The following TMEM217 variants were observed in gnomAD, a reference collection of about 807,000 sequenced individuals.
TMEM217 encodes chromosome 6 open reading frame 128.
For synonymous variants in TMEM217, 76 were observed against 88.3 expected, an observed-to-expected ratio of 0.86 and a Z score of 0.78; for missense variants, 204 against 248.8, an observed-to-expected ratio of 0.82 and a Z score of 1.21.
downstream of TMEM217, among the ~76,000 whole-genome samples, chr6:37,213,295 T>C (rs1001321782): frequency 6.6e-6 from 1 of 152,224 alleles, no homozygotes; most frequent in African/African-American, 2.4e-5. Flanking sequence ...CCTGTTGATG[T>C]AGGTTTGTGG....
rs370609002 is a variant in TMEM217, at chr6:37,218,755, C to G, written c.276G>C (p.Arg92Ser). The change falls in exon 2 of 2, where the codon AGG (arginine) becomes AGC (serine). Residue 92 changes from arginine to serine, a missense_variant. Coordinates refer to ENST00000357219, the Ensembl canonical transcript of TMEM217. ...TCCAGACAATGTAGATGACCAGGCCCCTGAAGATCTGGGCATACACTGAGT... is the reference window on the plus strand; with the variant it reads ...TCCAGACAATGTAGATGACCAGGCCGCTGAAGATCTGGGCATACACTGAGT... 1.9e-6 allele frequency: 3 copies of G among 1,613,982 alleles called. No homozygotes were observed. In the Admixed American group the frequency reaches 5.0e-5, roughly 27 times the overall value.
chr6:37,215,128 A>G (rs1763112010), downstream of TMEM217: 6 of 1,593,562 alleles, frequency 3.8e-6, no homozygotes, highest in Non-Finnish European at 5.1e-6. Context: ...GGTCACTATA[A>G]TAATGGCCTA....
At chr6:37,231,651 G>A (rs1349657325) in intron 1 of TMEM217, among the ~76,000 whole-genome samples, 6 of 138,100 alleles carry the variant, frequency 4.3e-5, no homozygotes, top group Non-Finnish European at 9.2e-5. Context: ...CAGCCTGGGC[G>A]ATAGAGTGAG....
exon 1 of TMEM217, chr6:37,257,951 A>T: frequency 6.2e-7 from 1 of 1,614,126 alleles, no homozygotes; most frequent in Non-Finnish European, 8.5e-7. Flanking sequence ...GTTTTGGAAG[A>T]GGAGCGCTAA....
chr6:37,242,063 A>G (rs1764795413), intron 1 of TMEM217, among the ~76,000 whole-genome samples: 1 of 146,116 alleles, frequency 6.8e-6, no homozygotes, highest in African/African-American at 2.5e-5. Context: ...GGAGTCACAT[A>G]GAACCCCCTG....
intron 1 of TMEM217, among the ~76,000 whole-genome samples, chr6:37,254,809 ACCTTTTTGGCAC>A (rs1765625889): frequency 1.3e-5 from 2 of 152,120 alleles, no homozygotes; most frequent in Non-Finnish European, 1.5e-5. Flanking sequence ...GTAGTCCCCA[ACCTTTTTGGCAC>A]CTGGGACCAG....
At chr6:37,235,011 C>T (rs555611129) in intron 1 of TMEM217, among the ~76,000 whole-genome samples, 106 of 152,174 alleles carry the variant, frequency 7.0e-4, no homozygotes, top group African/African-American at 2.2e-3. Context: ...CACTGGCTAC[C>T]CTTATGCTGG....
chr6:37,252,596 T>C (rs1765469123), intron 1 of TMEM217, among the ~76,000 whole-genome samples: 1 of 20,770 alleles, frequency 4.8e-5, no homozygotes, highest in African/African-American at 5.0e-4. Flanking sequence ...TGTATGTGTG[T>C]GTGTGTGTGT....
At chr6:37,225,490 A>C (rs923634819) in intron 1 of TMEM217, among the ~76,000 whole-genome samples, 2 of 152,318 alleles carry the variant, frequency 1.3e-5, no homozygotes, top group South Asian at 4.1e-4. Context: ...GAGTTCCCTA[A>C]GGAAAAAAAT....
chr6:37,235,388 CAG>C (rs1171275367), intron 1 of TMEM217, among the ~76,000 whole-genome samples: 1 of 151,762 alleles, frequency 6.6e-6, no homozygotes, highest in Non-Finnish European at 1.5e-5. Flanking sequence ...TTTTTTGAGA[CAG>C]AGTCTTGCTC....
rs368066193 is a variant in TMEM217, at chr6:37,224,437, A to C, written c.-11-5396T>G. Among the ~76,000 whole-genome samples the C allele has an allele frequency of 6.4e-4, 97 of 151,398 alleles. 2 individuals are homozygous for C. The East Asian group carries it at 0.018, about 28-fold the overall frequency. On this transcript the variant is annotated intron_variant, in intron 1 of 1. Coordinates refer to ENST00000357219, the Ensembl canonical transcript of TMEM217. ...CATGATGAAACCCTGTCTCTACTAA[A>C]AATACAAAAAATTAGCCGGGCGTGG...
At chr6:37,248,420 C>T (rs148771326) in intron 1 of TMEM217, among the ~76,000 whole-genome samples, 16 of 152,214 alleles carry the variant, frequency 1.1e-4, no homozygotes, top group Non-Finnish European at 2.2e-4. Context: ...ATGTTTTTAC[C>T]CCCTTTCTCA....
downstream of TMEM217, among the ~76,000 whole-genome samples, chr6:37,216,032 T>TGTGAGAGA (rs1159463220): frequency 2.2e-5 from 3 of 138,454 alleles, no homozygotes; most frequent in African/African-American, 8.0e-5. Context: ...TGTGTGTGTG[T>TGTGAGAGA]GAGAAACAGA....
chr6:37,246,895 T>G (rs555181506), intron 1 of TMEM217, among the ~76,000 whole-genome samples: 2 of 91,528 alleles, frequency 2.2e-5, no homozygotes, highest in African/African-American at 7.7e-5. Context: ...AGAGCAAGAC[T>G]CTGTCTCAAA....
intron 1 of TMEM217, among the ~76,000 whole-genome samples, chr6:37,239,794 C>A (rs778778432): frequency 2.0e-5 from 3 of 151,568 alleles, no homozygotes; most frequent in Non-Finnish European, 4.4e-5. Flanking sequence ...GAGCCTAATT[C>A]ATCTATATCG....
chr6:37,228,529 C>A (rs1763970117), intron 1 of TMEM217, among the ~76,000 whole-genome samples: 2 of 152,182 alleles, frequency 1.3e-5, no homozygotes. Context: ...TATGGTGAAA[C>A]CCTGTTTCTA....
At chr6:37,222,744 G>T (rs1208923693) in intron 1 of TMEM217, among the ~76,000 whole-genome samples, 4 of 152,258 alleles carry the variant, frequency 2.6e-5, no homozygotes, top group Non-Finnish European at 4.4e-5. Context: ...GCTCCGTAGA[G>T]CCGGAGGTGG....
At chr6:37,228,429 C>T (rs1461834442) in intron 1 of TMEM217, among the ~76,000 whole-genome samples, 1 of 152,180 alleles carries the variant, frequency 6.6e-6, no homozygotes, top group Non-Finnish European at 1.5e-5. Flanking sequence ...TAAGGCCAGG[C>T]GTGATGGCTC....
intron 1 of TMEM217, among the ~76,000 whole-genome samples, chr6:37,252,480 A>G (rs1323389229): frequency 6.6e-6 from 1 of 151,740 alleles, no homozygotes; most frequent in East Asian, 1.9e-4. Context: ...TACATACATA[A>G]CATACATATA....
Sources: allele counts gnomAD v4.1 joint callset (sites outside exome capture counted in the v4.1 genomes callset), GRCh38; gene constraint gnomAD v4.1.1; transcripts MANE v1.5; gene names NCBI Gene and HGNC (gene_info 2026-07-23, HGNC 2026-07-21).